The following MARCHF10 variants were observed in gnomAD, a reference collection of about 807,000 sequenced individuals.
The protein encoded by MARCHF10 is membrane associated ring-CH-type finger 10, also known as probable E3 ubiquitin-protein ligase MARCHF10.
A neutral mutation model predicts 76.2 loss-of-function variants in MARCHF10; 64 were observed. That is an observed-to-expected ratio of 0.84 (90% confidence interval 0.69 to 1.03). The LOEUF (loss-of-function observed/expected upper bound fraction) is 1.03. Ranked by LOEUF, MARCHF10 falls within the 50% of genes least tolerant of loss-of-function variation. MARCHF10 has a pLI of 0.00. For missense variants in MARCHF10, 875 were observed against 958.0 expected (o/e 0.91, Z 1.14); for synonymous variants, 340 against 357.5 (o/e 0.95, Z 0.55).
At chr17:62,792,694 T>C (rs868334359) in intron 2 of MARCHF10, among the ~76,000 whole-genome samples, 995 of 41,184 alleles carry the variant, frequency 0.024, no homozygotes, top group African/African-American at 0.054. Flanking sequence ...ATCACCACCA[T>C]CACCTCCATC....
Position 62,701,487 on chromosome 17 carries a change from T to A in MARCHF10, c.*216A>T, listed in dbSNP as rs1599007836. On this transcript the variant is annotated 3_prime_UTR_variant, in exon 11 of 11. Coordinates refer to ENST00000311269, the MANE Select transcript of MARCHF10 (RefSeq NM_152598.4). ...TGCCAGGGGCTCCACAGTCCCACGC[T>A]GCTTGACCTGTGCTGTCTGGGACTA... is the stretch of plus-strand genomic sequence containing the variant. 13 of 1,113,816 alleles carry A rather than the reference T, an allele frequency of 1.2e-5. No individual in the cohort carries two copies. The East Asian group carries it at 3.3e-4, about 28-fold the overall frequency. 69.0% of individuals were successfully genotyped at this position (1,113,816 alleles called of 1,614,324 possible).
chr17:62,736,736 C>CG lies in MARCHF10; in HGVS notation c.1131dup (p.Gly378ArgfsTer4), dbSNP rs2091284196. 6.2e-7 allele frequency: 1 copy of CG among 1,614,030 alleles called. No individual in the cohort carries two copies. Among genetic ancestry groups the CG allele is most frequent in the African/African-American group, 1.3e-5 (1 of 74,928 alleles). ...GTAGCAGATTCCCTATCAGGCAGCC[C>CG]GGGGTCTTGGGACAACCTTTGCCCA... On this transcript the variant is annotated frameshift_variant, in exon 6 of 11. Coordinates refer to ENST00000311269, the MANE Select transcript of MARCHF10 (RefSeq NM_152598.4). LOFTEE classifies it high-confidence loss of function.
chr17:62,716,252 G>A (rs1010536235), intron 8 of MARCHF10, among the ~76,000 whole-genome samples: 3 of 151,994 alleles, frequency 2.0e-5, no homozygotes, highest in Admixed American at 6.6e-5. Context: ...CAGCATTTTC[G>A]GCACAGTATC....
intron 8 of MARCHF10, among the ~76,000 whole-genome samples, chr17:62,718,430 G>C (rs1194700727): frequency 6.6e-6 from 1 of 152,208 alleles, no homozygotes; most frequent in Non-Finnish European, 1.5e-5. Context: ...GGCAGAGGGA[G>C]AACCATGTGG....
rs979947190 is a variant in MARCHF10, at chr17:62,729,089, G to T, written c.1938-3985C>A. On this transcript the variant is annotated intron_variant, in intron 6 of 10. Transcript: ENST00000311269. The stretch of plus-strand genomic sequence containing the variant: ...CAAGTAGCTGGGACCACAGGCACAC[G>T]CCACCACCCCAGGTTATTTATTTAT... Among the ~76,000 whole-genome samples the T allele has an allele frequency of 3.9e-5, 6 of 151,990 alleles. No individual in the cohort carries two copies. In the East Asian group the frequency reaches 9.6e-4, roughly 24 times the overall value.
At chr17:62,753,653 C>T (rs943548977) in intron 4 of MARCHF10, among the ~76,000 whole-genome samples, 8 of 152,324 alleles carry the variant, frequency 5.3e-5, no homozygotes, top group African/African-American at 1.9e-4. Flanking sequence ...TTTGCACACT[C>T]AGTACCTGCT....
chr17:62,759,306 A>G (rs2147945309), intron 4 of MARCHF10, among the ~76,000 whole-genome samples: 1 of 152,374 alleles, frequency 6.6e-6, no homozygotes, highest in African/African-American at 2.4e-5. Flanking sequence ...ATGACTGGGC[A>G]GAAAATGCGG....
chr17:62,761,515 G>T (rs1051841210), intron 3 of MARCHF10, among the ~76,000 whole-genome samples: 2 of 151,932 alleles, frequency 1.3e-5, no homozygotes, highest in African/African-American at 4.8e-5. Context: ...TCCGCCTCTC[G>T]GGTTCAAGCA....
chr17:62,786,300 C>T (rs2092745119), intron 3 of MARCHF10, among the ~76,000 whole-genome samples: 2 of 150,294 alleles, frequency 1.3e-5, no homozygotes, highest in African/African-American at 4.9e-5. Flanking sequence ...CCAAACACCA[C>T]ATGTTCTCAC....
chr17:62,733,028 AAGAC>A (rs2091102100), intron 6 of MARCHF10, among the ~76,000 whole-genome samples: 2 of 151,760 alleles, frequency 1.3e-5, no homozygotes, highest in South Asian at 4.1e-4. Flanking sequence ...CATAAAGAAA[AAGAC>A]AAACTAGACA....
chr17:62,707,629 GA>G, intron 9 of MARCHF10: 1 of 152,478 alleles, frequency 6.6e-6, no homozygotes, highest in South Asian at 2.1e-4. Flanking sequence ...AGGAGGGGCT[GA>G]AGGAGGGGCG....
intron 8 of MARCHF10, among the ~76,000 whole-genome samples, chr17:62,716,431 CA>C (rs67814270): frequency 0.072 from 8,999 of 124,574 alleles, 397 homozygotes; most frequent in African/African-American, 0.15. Context: ...CCCCATCTCT[CA>C]AAAAAAAAAA....
intron 2 of MARCHF10, among the ~76,000 whole-genome samples, chr17:62,801,145 C>T (rs1019476829): frequency 9.2e-5 from 14 of 151,762 alleles, no homozygotes; most frequent in African/African-American, 3.2e-4. Context: ...CCATTATCCT[C>T]GTTTTTTTGT....
chr17:62,801,885 C>T, intron 1 of MARCHF10, 133 bp from the exon 2 acceptor site: 1 of 691,018 alleles, frequency 1.4e-6, no homozygotes, highest in Non-Finnish European at 2.6e-6. Context: ...CACAGATGCT[C>T]CTTTCAAGCT....
At chr17:62,786,898 G>A (rs746159467) in intron 3 of MARCHF10, among the ~76,000 whole-genome samples, 1 of 152,134 alleles carries the variant, frequency 6.6e-6, no homozygotes, top group Non-Finnish European at 1.5e-5. Context: ...CACTTGTTTA[G>A]CAATTCCAAT....
chr17:62,762,839 C>T (rs2092242757), intron 3 of MARCHF10, among the ~76,000 whole-genome samples: 1 of 152,238 alleles, frequency 6.6e-6, no homozygotes, highest in Admixed American at 6.5e-5. Context: ...AGCCACCACG[C>T]CCGGCCTATC....
At chr17:62,799,186 C>A (rs1044336472) in intron 2 of MARCHF10, among the ~76,000 whole-genome samples, 14 of 152,112 alleles carry the variant, frequency 9.2e-5, no homozygotes, top group African/African-American at 3.4e-4. Flanking sequence ...TCCCTCACTC[C>A]GCCTCTCCAT....
chr17:62,804,227 C>T (rs925140860), intron 1 of MARCHF10, among the ~76,000 whole-genome samples: 3 of 152,140 alleles, frequency 2.0e-5, no homozygotes, highest in African/African-American at 7.2e-5. Flanking sequence ...GACAGCATGG[C>T]GTCACAAGTG....
chr17:62,772,210 T>C (rs1290497277), intron 3 of MARCHF10, among the ~76,000 whole-genome samples: 1 of 151,990 alleles, frequency 6.6e-6, no homozygotes, highest in Non-Finnish European at 1.5e-5. Context: ...TGGGGGTGGG[T>C]CTTTCCTGTG....
Sources: gnomAD v4.1 joint callset for allele counts (sites outside exome capture counted in the v4.1 genomes callset) on GRCh38, gnomAD v4.1.1 for gene constraint, MANE v1.5 for transcripts, NCBI Gene and HGNC (gene_info 2026-07-23, HGNC 2026-07-21) for gene names.